The following AGBL4 variants were observed in gnomAD, a reference collection of about 807,000 sequenced individuals.
AGBL4 encodes the protein cytosolic carboxypeptidase 6.
A neutral mutation model predicts 66.4 loss-of-function variants in AGBL4; 58 were observed. The observed-to-expected ratio is 0.87, with a 90% CI of 0.71 to 1.09. AGBL4 has a LOEUF of 1.09. Ranked by LOEUF, AGBL4 falls within the 50% of genes least tolerant of loss-of-function variation. The pLI, the probability that AGBL4 is intolerant of heterozygous loss-of-function variation, is 0.00. For missense variants in AGBL4, 579 were observed against 631.0 expected (o/e 0.92, Z 0.88); for synonymous variants, 234 against 222.9 (o/e 1.05, Z -0.44).
intron 3 of AGBL4, among the ~76,000 whole-genome samples, chr1:49,296,858 T>C (rs902572669): frequency 3.3e-5 from 5 of 152,220 alleles, no homozygotes; most frequent in Non-Finnish European, 4.4e-5. Context: ...ATAAATGCAG[T>C]GAAGATTCTA....
chr1:49,606,058 C>T (rs1467445624), intron 3 of AGBL4, among the ~76,000 whole-genome samples: 2 of 152,046 alleles, frequency 1.3e-5, no homozygotes, highest in African/African-American at 4.8e-5. Context: ...CCACTATAAA[C>T]ACTATAAAGG....
chr1:48,711,127 G>A (rs1018820783), intron 6 of AGBL4, among the ~76,000 whole-genome samples: 1 of 152,140 alleles, frequency 6.6e-6, no homozygotes, highest in Non-Finnish European at 1.5e-5. Context: ...AGGTCCCAGG[G>A]TCCAGCTCCA....
intron 3 of AGBL4, among the ~76,000 whole-genome samples, chr1:49,310,103 G>A (rs1644917954): frequency 6.6e-6 from 1 of 152,076 alleles, no homozygotes; most frequent in Non-Finnish European, 1.5e-5. Context: ...GAGGATGACT[G>A]GAATGTGCAA....
At chr1:48,686,683 C>T (rs573220468) in intron 6 of AGBL4, among the ~76,000 whole-genome samples, 53 of 152,316 alleles carry the variant, frequency 3.5e-4, no homozygotes, top group African/African-American at 1.2e-3. Context: ...TGGGGACTTT[C>T]GGCCATGCAC....
At chr1:49,537,492 G>A (rs549400067) in intron 3 of AGBL4, among the ~76,000 whole-genome samples, 29 of 152,176 alleles carry the variant, frequency 1.9e-4, no homozygotes, top group African/African-American at 6.7e-4. Flanking sequence ...AAAGGGACAC[G>A]AATATTTTAT....
At chr1:49,403,640 T>C (rs990460132) in intron 3 of AGBL4, among the ~76,000 whole-genome samples, 1 of 152,202 alleles carries the variant, frequency 6.6e-6, no homozygotes, top group South Asian at 2.1e-4. Context: ...GGATTATCTT[T>C]ATGCTTATAG....
At chr1:49,298,461 C>G (rs1002969846) in intron 3 of AGBL4, among the ~76,000 whole-genome samples, 2 of 152,196 alleles carry the variant, frequency 1.3e-5, no homozygotes. Context: ...TATTTGCAAA[C>G]AGATTGCAAA....
intron 6 of AGBL4, among the ~76,000 whole-genome samples, chr1:48,715,064 C>T (rs1019272899): frequency 2.0e-5 from 3 of 152,104 alleles, no homozygotes; most frequent in Non-Finnish European, 2.9e-5. Context: ...GGGGTGGGTG[C>T]CGGTTCAGAC....
At chr1:49,005,184 T>G (rs1160450085) in intron 5 of AGBL4, among the ~76,000 whole-genome samples, 4 of 152,186 alleles carry the variant, frequency 2.6e-5, no homozygotes, top group Admixed American at 1.3e-4. Flanking sequence ...ACCACAAAAT[T>G]GAAAGTCACA....
At position 49,829,558 on chromosome 1, in the gene AGBL4, T is replaced by C. The variant is rs201530430; in HGVS notation, c.157+21838A>G. ...ACTATAAAAAATAAAGATGTAATGGTATATAGTGACATTTCCATTTTTACT... is the reference window on the plus strand; with the variant it reads ...ACTATAAAAAATAAAGATGTAATGGCATATAGTGACATTTCCATTTTTACT... On this transcript the variant is annotated intron_variant, in intron 2 of 13. Transcript: ENST00000371839. 2.0e-5 allele frequency among the ~76,000 whole-genome samples: 3 copies of C among 152,166 alleles called. No individual in the cohort carries two copies. In the East Asian group the frequency reaches 5.8e-4, roughly 29 times the overall value.
intron 4 of AGBL4, among the ~76,000 whole-genome samples, chr1:49,243,008 T>C (rs1262078661): frequency 1.3e-5 from 2 of 150,914 alleles, no homozygotes; most frequent in East Asian, 3.9e-4. Flanking sequence ...AAGGGTGTTT[T>C]CCCAATTTTT....
chr1:49,152,693 T>C (rs1156582650), intron 4 of AGBL4, among the ~76,000 whole-genome samples: 1 of 152,192 alleles, frequency 6.6e-6, no homozygotes, highest in Admixed American at 6.5e-5. Context: ...ATTAGTGAAC[T>C]TGGGGCAAGC....
At chr1:49,442,175 TGA>T (rs146900583) in intron 3 of AGBL4, among the ~76,000 whole-genome samples, 42 of 149,438 alleles carry the variant, frequency 2.8e-4, no homozygotes, top group Admixed American at 3.3e-4. Flanking sequence ...AAGCTGGGCC[TGA>T]GAGAGAGAGA....
intron 3 of AGBL4, among the ~76,000 whole-genome samples, chr1:49,412,155 T>C (rs186459089): frequency 1.4e-4 from 22 of 152,312 alleles, no homozygotes; most frequent in Admixed American, 1.4e-3. Flanking sequence ...TTTGGGCTTC[T>C]ATAACAAAGT....
At chr1:48,650,577 A>C (rs1480113960) in intron 8 of AGBL4, among the ~76,000 whole-genome samples, 1 of 151,244 alleles carries the variant, frequency 6.6e-6, no homozygotes, top group Non-Finnish European at 1.5e-5. Flanking sequence ...GATTTAGTAG[A>C]TTTTTATTAT....
chr1:48,918,509 T>A (rs779178470), intron 5 of AGBL4, among the ~76,000 whole-genome samples: 5 of 152,180 alleles, frequency 3.3e-5, no homozygotes, highest in African/African-American at 4.8e-5. Context: ...TGTGATGGCA[T>A]TATGAAGCAG....
chr1:48,874,064 T>G (rs1438521486), intron 5 of AGBL4, among the ~76,000 whole-genome samples: 1 of 152,164 alleles, frequency 6.6e-6, no homozygotes, highest in Non-Finnish European at 1.5e-5. Context: ...TTTCACAGCA[T>G]AGACTGGAGA....
At chr1:49,127,079 A>T (rs1463154182) in intron 4 of AGBL4, among the ~76,000 whole-genome samples, 1 of 152,218 alleles carries the variant, frequency 6.6e-6, no homozygotes, top group Non-Finnish European at 1.5e-5. Context: ...TGAATAAACT[A>T]TATAAAACAT....
At chr1:49,226,971 T>C (rs1450190087) in intron 4 of AGBL4, among the ~76,000 whole-genome samples, 3 of 152,156 alleles carry the variant, frequency 2.0e-5, no homozygotes, top group African/African-American at 4.8e-5. Context: ...TGTCCTCACA[T>C]GGAGAAAGAG....
Sources: gnomAD v4.1 joint callset for allele counts (sites outside exome capture counted in the v4.1 genomes callset) on GRCh38, gnomAD v4.1.1 for gene constraint, MANE v1.5 for transcripts, NCBI Gene and HGNC (gene_info 2026-07-23, HGNC 2026-07-21) for gene names.